The following PPFIA2 variants were observed in gnomAD, a reference collection of about 807,000 sequenced individuals.
PPFIA2 encodes the protein PPFI scaffold protein A2.
A neutral mutation model predicts 175.5 loss-of-function variants in PPFIA2; 46 were observed. The ratio of observed to expected loss-of-function variants is 0.26; its 90% CI spans 0.21 to 0.34. The LOEUF (loss-of-function observed/expected upper bound fraction) is 0.34. Among genes scored for constraint, PPFIA2 ranks in the 10% least tolerant of loss-of-function variants. The probability of loss-of-function intolerance (pLI) is 1.00; values close to 1 mark genes in which losing one functional copy is unlikely to be tolerated. For synonymous variants in PPFIA2, 568 were observed against 511.4 expected, an observed-to-expected ratio of 1.11 and a Z score of -1.49; for missense variants, 1,179 against 1,506.1, an observed-to-expected ratio of 0.78 and a Z score of 3.60.
intron 9 of PPFIA2, among the ~76,000 whole-genome samples, chr12:81,381,975 G>GA (rs1377168971): frequency 6.6e-6 from 1 of 151,950 alleles, no homozygotes; most frequent in Non-Finnish European, 1.5e-5. Context: ...AACAAAACAA[G>GA]AAAAAAACCC....
At chr12:81,343,759 T>A (rs895801564) in intron 19 of PPFIA2, among the ~76,000 whole-genome samples, 6 of 152,126 alleles carry the variant, frequency 3.9e-5, no homozygotes, top group African/African-American at 1.4e-4. Context: ...CCATATTCCA[T>A]ATTTATTCTC....
chr12:81,445,789 C>G, intron 5 of PPFIA2, 69 bp from the exon 6 acceptor site: 4 of 1,437,886 alleles, frequency 2.8e-6, no homozygotes, highest in Non-Finnish European at 3.8e-6. Context: ...AATGACTTCC[C>G]CCTTAAATTA....
rs80077813 is a variant in PPFIA2, at chr12:81,574,675, C to T, written c.303+102116G>A. Reference sequence around the variant, plus strand: ...GTAAATAAAATTTTGCCTGTAGTTACCATGGTGTTTTTATAAATGTTTTAT... The same window carrying T: ...GTAAATAAAATTTTGCCTGTAGTTATCATGGTGTTTTTATAAATGTTTTAT... On this transcript the variant is annotated intron_variant, in intron 4 of 32. Coordinates refer to ENST00000549396, the MANE Select transcript of PPFIA2 (RefSeq NM_003625.5). Among the ~76,000 whole-genome samples, 137 of 151,558 alleles carry T rather than the reference C, an allele frequency of 9.0e-4. 2 individuals carry two copies. The East Asian group carries it at 0.02, about 22-fold the overall frequency.
chr12:81,322,973 T>G (rs116924683), intron 22 of PPFIA2, among the ~76,000 whole-genome samples: 13,886 of 152,218 alleles, frequency 0.091, 835 homozygotes, highest in Middle Eastern at 0.16. Context: ...AACCTATGTG[T>G]GTTAAATTTA....
chr12:81,272,176 ATTGTAATGTGTTTAGACGTGTT>A (rs2039309046), intron 28 of PPFIA2, among the ~76,000 whole-genome samples: 1 of 152,064 alleles, frequency 6.6e-6, no homozygotes, highest in African/African-American at 2.4e-5. Flanking sequence ...CAGTAGCTCT[ATTGTAATGTGTTTAGACGTGTT>A]TTTATTTCCG....
chr12:81,469,956 G>A (rs970922900), intron 4 of PPFIA2, among the ~76,000 whole-genome samples: 9 of 152,182 alleles, frequency 5.9e-5, no homozygotes, highest in Admixed American at 2.0e-4. Context: ...AAGCCAGAAC[G>A]AGGTCTCAGC....
chr12:81,449,959 G>A (rs974946103), intron 5 of PPFIA2, among the ~76,000 whole-genome samples: 3 of 151,984 alleles, frequency 2.0e-5, no homozygotes, highest in Non-Finnish European at 2.9e-5. Context: ...TCCCTACAAA[G>A]GACATGGACT....
intron 2 of PPFIA2, 74 bp from the exon 3 acceptor site, chr12:81,754,297 C>T: frequency 6.6e-7 from 1 of 1,505,784 alleles, no homozygotes; most frequent in Non-Finnish European, 9.0e-7. Flanking sequence ...GAGCAATTCA[C>T]TAAATATTTT....
intron 21 of PPFIA2, among the ~76,000 whole-genome samples, chr12:81,338,494 T>A (rs1187803362): frequency 6.6e-6 from 1 of 152,068 alleles, no homozygotes; most frequent in Non-Finnish European, 1.5e-5. Context: ...TATTAGTCAC[T>A]GACAATAACT....
intron 23 of PPFIA2, chr12:81,298,129 C>G (rs949858846): frequency 2.6e-5 from 4 of 152,056 alleles, no homozygotes; most frequent in Non-Finnish European, 5.9e-5. Context: ...TTTATCGGAG[C>G]AAAAACTGAA....
At chr12:81,685,602 T>C (rs563754353) in intron 3 of PPFIA2, among the ~76,000 whole-genome samples, 3 of 152,146 alleles carry the variant, frequency 2.0e-5, no homozygotes, top group East Asian at 3.9e-4. Context: ...ACAGGTTTCA[T>C]AGTATTCAGA....
chr12:81,389,321 C>A (rs2039664301), intron 8 of PPFIA2, among the ~76,000 whole-genome samples: 1 of 151,484 alleles, frequency 6.6e-6, no homozygotes, highest in East Asian at 1.9e-4. Flanking sequence ...ATGCACTTAA[C>A]AAGAAAATTG....
At chr12:81,495,701 G>A (rs2059957528) in intron 4 of PPFIA2, among the ~76,000 whole-genome samples, 1 of 152,114 alleles carries the variant, frequency 6.6e-6, no homozygotes, top group Non-Finnish European at 1.5e-5. Flanking sequence ...TGTAGTCCCA[G>A]CTACTCAGGA....
intron 4 of PPFIA2, among the ~76,000 whole-genome samples, chr12:81,660,917 T>G (rs1274917724): frequency 1.3e-5 from 2 of 152,154 alleles, no homozygotes; most frequent in Admixed American, 6.5e-5. Context: ...AAAAGAATTT[T>G]CAACCCAGAA....
rs199688346 is a variant in PPFIA2, at chr12:81,648,891, GT to G, written c.303+27899del. 6.6e-5 allele frequency among the ~76,000 whole-genome samples: 10 copies of G among 151,110 alleles called. No homozygotes were observed. The East Asian group carries it at 1.2e-3, about 18-fold the overall frequency. On this transcript the variant is annotated intron_variant, in intron 4 of 32. Coordinates refer to ENST00000549396, the MANE Select transcript of PPFIA2 (RefSeq NM_003625.5). ...ATGGTAATTTAAGGAAGAAATCATAGTTTTTTTTTAAAGAAATATAACTAGA... is the reference window on the plus strand; with the variant it reads ...ATGGTAATTTAAGGAAGAAATCATAGTTTTTTTTAAAGAAATATAACTAGA...
chr12:81,444,858 T>C (rs2050920951), intron 6 of PPFIA2, among the ~76,000 whole-genome samples: 1 of 152,164 alleles, frequency 6.6e-6, no homozygotes. Flanking sequence ...GTTCAGTCTT[T>C]GAAATTTCAC....
chr12:81,315,930 A>G (rs78438154), intron 22 of PPFIA2, among the ~76,000 whole-genome samples: 8,903 of 151,728 alleles, frequency 0.059, 298 homozygotes, highest in Admixed American at 0.099. Context: ...AAATAACTAA[A>G]ATATTTGAGA....
chr12:81,460,269 A>T (rs183849275), intron 4 of PPFIA2, among the ~76,000 whole-genome samples: 1 of 152,232 alleles, frequency 6.6e-6, no homozygotes, highest in Non-Finnish European at 1.5e-5. Context: ...GATTTTATAA[A>T]GGGAAACCGC....
intron 3 of PPFIA2, among the ~76,000 whole-genome samples, chr12:81,707,260 A>G: frequency 1.3e-5 from 2 of 151,846 alleles, no homozygotes; most frequent in Non-Finnish European, 2.9e-5. Context: ...GAAAATTTTC[A>G]CAACCTACTC....
Sources: gnomAD v4.1 joint callset for allele counts (sites outside exome capture counted in the v4.1 genomes callset) on GRCh38, gnomAD v4.1.1 for gene constraint, MANE v1.5 for transcripts, NCBI Gene and HGNC (gene_info 2026-07-23, HGNC 2026-07-21) for gene names.